ESRRG: variants seen among roughly 807,000 people sequenced by gnomAD.
ESRRG encodes the protein estrogen-related receptor gamma.
In ESRRG, 13 loss-of-function variants were observed where a neutral mutation model predicts 44.0. The observed-to-expected ratio is 0.30, with a 90% CI of 0.19 to 0.47. The LOEUF is 0.47. Among genes scored for constraint, ESRRG ranks in the 20% least tolerant of loss-of-function variants. ESRRG has a pLI of 1.00. For missense variants in ESRRG, 395 were observed against 580.6 expected, an observed-to-expected ratio of 0.68 and a Z score of 3.29; for synonymous variants, 215 against 214.6, an observed-to-expected ratio of 1.00 and a Z score of -0.02.
Position 216,893,537 on chromosome 1 carries a change from C to T in ESRRG, c.-14+46045G>A, listed in dbSNP as rs2058063308. Among the ~76,000 whole-genome samples, 2 of 152,114 alleles carry T rather than the reference C, an allele frequency of 1.3e-5. 1 individual carries two copies. On this transcript the variant is annotated intron_variant, in intron 2 of 7. Coordinates refer to the ESRRG transcript ENST00000359162. ...CCTCCATTCATCCAGTTGTCTATGT[C>T]ATTTGTCCTAGACACAGTGTCTGGC...
intron 2 of ESRRG, among the ~76,000 whole-genome samples, chr1:216,922,558 G>A (rs2149727205): frequency 6.6e-6 from 1 of 152,188 alleles, no homozygotes; most frequent in African/African-American, 2.4e-5. Flanking sequence ...GCAGCAAGAA[G>A]GTTAATAATT....
In ESRRG at chr1:216,742,480, T is replaced by C. The variant is rs2090874167; in HGVS notation, c.-13-64989A>G. On this transcript the variant is annotated intron_variant, in intron 2 of 7. Transcript: ENST00000359162. The stretch of plus-strand genomic sequence containing the variant: ...ACAAGAACTACCTGGTTCATCTTTA[T>C]ATTCCCACTAGTACCCAGTAGAGTG... Among the ~76,000 whole-genome samples, 9 of 152,318 alleles carry C rather than the reference T, an allele frequency of 5.9e-5. No homozygotes were observed. The South Asian group carries it at 1.9e-3, about 32-fold the overall frequency.
At chr1:216,660,687 G>A (rs928955059) in intron 2 of ESRRG, among the ~76,000 whole-genome samples, 1 of 152,212 alleles carries the variant, frequency 6.6e-6, no homozygotes, top group East Asian at 1.9e-4. Flanking sequence ...TGACATAGGA[G>A]CCTGAGAGTG....
intron 5 of ESRRG, among the ~76,000 whole-genome samples, chr1:216,524,071 C>A (rs1309150038): frequency 6.6e-6 from 1 of 151,764 alleles, no homozygotes; most frequent in Non-Finnish European, 1.5e-5. Context: ...TCTTAGCTAC[C>A]AATAGACACA....
intron 1 of ESRRG, among the ~76,000 whole-genome samples, chr1:216,691,974 C>T (rs914986436): frequency 6.6e-6 from 1 of 152,062 alleles, no homozygotes; most frequent in Admixed American, 6.6e-5. Context: ...ATTGCACTGC[C>T]AGTCATATAA....
At chr1:217,055,191 A>G (rs868541024) in intron 1 of ESRRG, among the ~76,000 whole-genome samples, 2 of 152,144 alleles carry the variant, frequency 1.3e-5, no homozygotes, top group Non-Finnish European at 2.9e-5. Context: ...TGAGGTTTAG[A>G]ATCCTTAGAC....
chr1:216,871,876 G>A (rs1352868681), intron 2 of ESRRG, among the ~76,000 whole-genome samples: 2 of 151,912 alleles, frequency 1.3e-5, no homozygotes, highest in Non-Finnish European at 2.9e-5. Flanking sequence ...TCTATTATAG[G>A]TACCCCAATA....
intron 2 of ESRRG, among the ~76,000 whole-genome samples, chr1:216,770,830 G>A (rs751775690): frequency 9.2e-5 from 14 of 151,970 alleles, no homozygotes; most frequent in Non-Finnish European, 1.6e-4. Flanking sequence ...ACAATGACCT[G>A]TCTATCCGTT....
At chr1:217,042,039 C>T (rs1261345635) in intron 1 of ESRRG, among the ~76,000 whole-genome samples, 1 of 152,028 alleles carries the variant, frequency 6.6e-6, no homozygotes, top group Non-Finnish European at 1.5e-5. Flanking sequence ...TTTGATGGTC[C>T]CTGATAGCAT....
intron 2 of ESRRG, among the ~76,000 whole-genome samples, chr1:216,807,060 T>G (rs1387309834): frequency 6.6e-6 from 1 of 152,176 alleles, no homozygotes; most frequent in African/African-American, 2.4e-5. Flanking sequence ...TGAGCTTTAA[T>G]GCATTCTGGG....
intron 2 of ESRRG, among the ~76,000 whole-genome samples, chr1:216,835,082 G>T (rs1251342581): frequency 6.6e-6 from 1 of 152,182 alleles, no homozygotes; most frequent in Non-Finnish European, 1.5e-5. Context: ...CAGCTGTGGA[G>T]TTTTTTGTTG....
intron 1 of ESRRG, among the ~76,000 whole-genome samples, chr1:216,678,444 T>TA (rs1478869573): frequency 6.6e-6 from 1 of 152,194 alleles, no homozygotes; most frequent in Non-Finnish European, 1.5e-5. Context: ...TATTTTGTCC[T>TA]AAAAAATATA....
intron 2 of ESRRG, among the ~76,000 whole-genome samples, chr1:216,778,745 C>A (rs1366736325): frequency 6.6e-6 from 1 of 151,920 alleles, no homozygotes; most frequent in Non-Finnish European, 1.5e-5. Context: ...CCTTCCTCTA[C>A]TTTTGAGAGC....
At chr1:216,718,470 C>T (rs2152039540) in intron 1 of ESRRG, among the ~76,000 whole-genome samples, 1 of 151,836 alleles carries the variant, frequency 6.6e-6, no homozygotes, top group African/African-American at 2.4e-5. Context: ...TCAAAAAAAT[C>T]AATGACAAAA....
At chr1:216,575,790 T>C (rs1362932481) in intron 3 of ESRRG, among the ~76,000 whole-genome samples, 3 of 152,068 alleles carry the variant, frequency 2.0e-5, no homozygotes, top group Non-Finnish European at 2.9e-5. Context: ...CACAGGCAGA[T>C]GAAAACCAAT....
rs117843999 is a variant in ESRRG, at chr1:216,542,167, A to G, written c.862+22052T>C. On this transcript the variant is annotated intron_variant, in intron 5 of 6. Transcript: ENST00000408911. ...TTGTTGATCAGTTCCTATCCTTTTC[A>G]TCTGGTTTATAAAGGGCATCTCTTT... Among the ~76,000 whole-genome samples, 74 of 150,384 alleles carry G rather than the reference A, an allele frequency of 4.9e-4. 1 individual carries two copies. In the East Asian group the frequency reaches 0.015, roughly 30 times the overall value.
At chr1:216,546,573 G>T (rs1467483321) in intron 5 of ESRRG, among the ~76,000 whole-genome samples, 2 of 151,820 alleles carry the variant, frequency 1.3e-5, no homozygotes, top group African/African-American at 4.8e-5. Flanking sequence ...TTTTGCAGTG[G>T]ACTTTGCCAG....
At chr1:217,049,754 C>T (rs2085561954) in intron 1 of ESRRG, among the ~76,000 whole-genome samples, 1 of 152,134 alleles carries the variant, frequency 6.6e-6, no homozygotes. Flanking sequence ...GAATTGGTTC[C>T]AATCCAGGGA....
At chr1:216,787,516 T>C (rs11117677) in intron 2 of ESRRG, among the ~76,000 whole-genome samples, 25,162 of 149,142 alleles carry the variant, frequency 0.17, 2,657 homozygotes, top group East Asian at 0.3. Context: ...GGCAGGAGAA[T>C]TGCTTGAACC....
Sources: allele counts gnomAD v4.1 joint callset (sites outside exome capture counted in the v4.1 genomes callset), GRCh38; gene constraint gnomAD v4.1.1; transcripts MANE v1.5; gene names NCBI Gene and HGNC (gene_info 2026-07-23, HGNC 2026-07-21).